The following CYP20A1 variants were observed in gnomAD, a reference collection of about 807,000 sequenced individuals.
The protein encoded by CYP20A1 is cytochrome P450 20A1.
A neutral mutation model predicts 61.4 loss-of-function variants in CYP20A1; 61 were observed. That is an observed-to-expected ratio of 0.99 (90% confidence interval 0.81 to 1.23). CYP20A1 has a LOEUF of 1.23. Ranked by LOEUF, CYP20A1 falls within the 50% of genes most tolerant of loss-of-function variation. The pLI is 0.00. For missense variants in CYP20A1, 530 were observed against 542.4 expected, an observed-to-expected ratio of 0.98 and a Z score of 0.23; for synonymous variants, 193 against 188.2, an observed-to-expected ratio of 1.03 and a Z score of -0.21.
chr2:203,258,518 T>C (rs1321826628), intron 4 of CYP20A1, among the ~76,000 whole-genome samples: 2 of 152,188 alleles, frequency 1.3e-5, no homozygotes, highest in Non-Finnish European at 2.9e-5. Context: ...TAAGCATTAA[T>C]TAATACATTG....
chr2:203,294,854 C>T (rs924011322), intron 11 of CYP20A1, among the ~76,000 whole-genome samples: 5 of 149,290 alleles, frequency 3.3e-5, no homozygotes, highest in African/African-American at 9.9e-5. Flanking sequence ...AGGATGGTCT[C>T]AATCTTTTGA....
chr2:203,270,065 A>T (rs995837710), intron 5 of CYP20A1, among the ~76,000 whole-genome samples: 1 of 152,150 alleles, frequency 6.6e-6, no homozygotes, highest in Non-Finnish European at 1.5e-5. Flanking sequence ...CAGCCTGGGC[A>T]ACATGACAAA....
Position 203,266,665 on chromosome 2 carries a change from A to G in CYP20A1, c.584A>G (p.Gln195Arg), listed in dbSNP as rs2067335258. ...FEDDQEVIRFQKNHGTVWSEI... is the reference protein window; with the variant it reads ...FEDDQEVIRFRKNHGTVWSEI... ...GATGATCAGGAAGTCATTCGCTTCCAGAAGAATCATGGCACAGTAAGTCTG... is the reference window on the plus strand; with the variant it reads ...GATGATCAGGAAGTCATTCGCTTCCGGAAGAATCATGGCACAGTAAGTCTG... The change falls in exon 5 of 13, where the codon CAG (glutamine) becomes CGG (arginine). Residue 195 changes from glutamine to arginine, a missense_variant. Physicochemically the swap from Gln to Arg is conservative, Grantham distance 43 (BLOSUM62 1). Transcript: ENST00000356079. 8 of 1,614,018 alleles carry G rather than the reference A, an allele frequency of 5.0e-6. No individual in the cohort carries two copies. The East Asian group carries it at 1.8e-4, about 36-fold the overall frequency.
rs1375101617 is a variant in CYP20A1 at position 203,301,981 on chromosome 2, C to T, written c.*5073C>T. 6.8e-6 allele frequency among the ~76,000 whole-genome samples: 1 copy of T among 148,086 alleles called. No individual in the cohort carries two copies. Among genetic ancestry groups the T allele is most frequent in the Non-Finnish European group, 1.5e-5 (1 of 67,462 alleles). ...CTGTCTATTGCCCAGGCTGGAGTGC[C>T]ATGGCACCATCTCGGCTCACTGCAA... On this transcript the variant is annotated 3_prime_UTR_variant, in exon 13 of 13. Transcript: ENST00000356079.
At chr2:203,283,440 A>T (rs1422139237) in intron 8 of CYP20A1, among the ~76,000 whole-genome samples, 1 of 150,472 alleles carries the variant, frequency 6.6e-6, no homozygotes, top group Non-Finnish European at 1.5e-5. Context: ...CTGATCTCGA[A>T]CTCCTGACCT....
At chr2:203,256,561 G>A (rs969012361) in intron 4 of CYP20A1, among the ~76,000 whole-genome samples, 16 of 151,944 alleles carry the variant, frequency 1.1e-4, no homozygotes, top group Non-Finnish European at 2.2e-4. Flanking sequence ...GTTTCGCCAT[G>A]TTAGTCAGTT....
intron 10 of CYP20A1, among the ~76,000 whole-genome samples, chr2:203,290,335 T>G (rs2152109090): frequency 6.6e-6 from 1 of 152,346 alleles, no homozygotes; most frequent in Non-Finnish European, 1.5e-5. Flanking sequence ...TAATATGTGC[T>G]TGTTTTAAAG....
intron 8 of CYP20A1, among the ~76,000 whole-genome samples, chr2:203,284,737 CTTTTTT>C (rs748438150): frequency 1.0e-5 from 1 of 99,126 alleles, no homozygotes; most frequent in Non-Finnish European, 2.0e-5. Context: ...AGAACCACTG[CTTTTTT>C]TTTTTTTTTT....
chr2:203,251,793 G>GTGTATATATATATATATATATATGTA (rs1553513992), intron 3 of CYP20A1, among the ~76,000 whole-genome samples, 174 bp from the exon 4 acceptor site: 3 of 64,178 alleles, frequency 4.7e-5, no homozygotes, highest in African/African-American at 1.2e-4. Flanking sequence ...ATATATATGT[G>GTGTATATATATATATATATATATGTA]TATATATATA....
At chr2:203,288,061 CTTT>C (rs869173270) in intron 9 of CYP20A1, among the ~76,000 whole-genome samples, 12 of 70,456 alleles carry the variant, frequency 1.7e-4, no homozygotes, top group Non-Finnish European at 1.9e-4. Flanking sequence ...TTCTCTCTCT[CTTT>C]TTTTTTTTTT....
Position 203,303,161 on chromosome 2 carries a change from C to T in CYP20A1, c.*6253C>T, listed in dbSNP as rs2069089970. On this transcript the variant is annotated 3_prime_UTR_variant, in exon 13 of 13. Coordinates refer to ENST00000356079, the MANE Select transcript of CYP20A1 (RefSeq NM_177538.3). ...GACTACGGGTATGTGCCACTACACT[C>T]AGCTAATTTTTGTATTTTTTTTTAG... is the stretch of plus-strand genomic sequence containing the variant. 1.3e-5 allele frequency among the ~76,000 whole-genome samples: 2 copies of T among 151,768 alleles called. No individual in the cohort carries two copies. Among genetic ancestry groups the T allele is most frequent in the Non-Finnish European group, 1.5e-5 (1 of 67,980 alleles).
At chr2:203,288,051 T>TTCTCTC (rs1486756802) in intron 9 of CYP20A1, among the ~76,000 whole-genome samples, 2 of 24,090 alleles carry the variant, frequency 8.3e-5, no homozygotes, top group Non-Finnish European at 1.2e-4. Context: ...CTGTGTTTAT[T>TTCTCTC]TCTCTCTCTC....
At chr2:203,288,268 G>T (rs1466579976) in intron 9 of CYP20A1, among the ~76,000 whole-genome samples, 1 of 151,462 alleles carries the variant, frequency 6.6e-6, no homozygotes, top group African/African-American at 2.4e-5. Context: ...GTTTTACCAT[G>T]TTGGCCAGGC....
At chr2:203,248,457 C>T (rs1243590855) in intron 3 of CYP20A1, among the ~76,000 whole-genome samples, 4 of 151,906 alleles carry the variant, frequency 2.6e-5, no homozygotes, top group African/African-American at 9.7e-5. Context: ...TCTCTTGAAC[C>T]CGGGAGGCAG....
intron 5 of CYP20A1, among the ~76,000 whole-genome samples, chr2:203,269,497 CTTTT>C (rs373653086): frequency 7.2e-6 from 1 of 139,462 alleles, no homozygotes. Context: ...ATATATAGTT[CTTTT>C]TTTTTTTTTT....
intron 11 of CYP20A1, among the ~76,000 whole-genome samples, chr2:203,295,609 T>C (rs1273558981): frequency 6.6e-6 from 1 of 152,202 alleles, no homozygotes; most frequent in Non-Finnish European, 1.5e-5. Context: ...AACAATCTTA[T>C]ACCTTGGTTT....
At chr2:203,257,840 G>A (rs1479674315) in intron 4 of CYP20A1, among the ~76,000 whole-genome samples, 3 of 120,432 alleles carry the variant, frequency 2.5e-5, no homozygotes, top group African/African-American at 7.9e-5. Flanking sequence ...TATTTATGGG[G>A]TACATGAGGT....
At position 203,301,100 on chromosome 2, in the gene CYP20A1, A is replaced by G. The variant is rs1358589271; in HGVS notation, c.*4192A>G. Among the ~76,000 whole-genome samples, 1 of 150,296 alleles carries G rather than the reference A, an allele frequency of 6.7e-6. No homozygotes were observed. Among genetic ancestry groups the G allele is most frequent in the African/African-American group, 2.4e-5 (1 of 40,878 alleles). On this transcript the variant is annotated 3_prime_UTR_variant, in exon 13 of 13. Transcript: ENST00000356079. The stretch of plus-strand genomic sequence containing the variant: ...AATCCCAGCTACTGGGGAGGCTGAA[A>G]CAGGAGAATCGCTTGAACCCAGTAG...
chr2:203,271,082 A>ATTTTTTTTTTTTTTTTTTTT (rs1161241853), intron 5 of CYP20A1, among the ~76,000 whole-genome samples: 2 of 31,632 alleles, frequency 6.3e-5, no homozygotes, highest in East Asian at 8.7e-4. Flanking sequence ...ATATATATAT[A>ATTTTTTTTTTTTTTTTTTTT]TTTTTTTTTT....
Sources: allele counts gnomAD v4.1 joint callset (sites outside exome capture counted in the v4.1 genomes callset), GRCh38; gene constraint gnomAD v4.1.1; transcripts MANE v1.5; gene names NCBI Gene and HGNC (gene_info 2026-07-23, HGNC 2026-07-21).